XKR6: variants seen among roughly 807,000 people sequenced by gnomAD.
The protein encoded by XKR6 is XK-related protein 6.
In XKR6, 22 loss-of-function variants were observed where a neutral mutation model predicts 56.7. The ratio of observed to expected loss-of-function variants is 0.39; its 90% CI spans 0.28 to 0.55. The LOEUF (loss-of-function observed/expected upper bound fraction) is 0.55, where lower values mean the gene tolerates loss of function less well. XKR6 is among the 20% of genes least tolerant of loss of function. The probability of loss-of-function intolerance (pLI) is 0.66; values close to 1 mark genes in which losing one functional copy is unlikely to be tolerated. For synonymous variants in XKR6, 524 were observed against 387.8 expected, an observed-to-expected ratio of 1.35 and a Z score of -4.13; for missense variants, 852 against 889.0, an observed-to-expected ratio of 0.96 and a Z score of 0.53.
intron 1 of XKR6, among the ~76,000 whole-genome samples, chr8:11,121,853 C>T (rs1799473228): frequency 1.3e-5 from 2 of 152,120 alleles, no homozygotes; most frequent in Non-Finnish European, 2.9e-5. Context: ...TACTATGCAG[C>T]CATAAAAAAT....
At chr8:11,114,605 C>A (rs1586563180) in intron 1 of XKR6, among the ~76,000 whole-genome samples, 1 of 152,242 alleles carries the variant, frequency 6.6e-6, no homozygotes, top group African/African-American at 2.4e-5. Flanking sequence ...AGATGATCCA[C>A]CCGCCTTGGC....
chr8:11,150,852 CAAAAAAAAAAAAA>C (rs546547767), intron 1 of XKR6, among the ~76,000 whole-genome samples: 9 of 90,290 alleles, frequency 1.0e-4, no homozygotes, highest in Non-Finnish European at 6.1e-5. Context: ...GACTCCATCT[CAAAAAAAAAAAAA>C]AAAAAAAAAA....
At chr8:11,144,589 C>A (rs1800883462) in intron 1 of XKR6, among the ~76,000 whole-genome samples, 1 of 151,962 alleles carries the variant, frequency 6.6e-6, no homozygotes, top group Non-Finnish European at 1.5e-5. Context: ...CAGACGCTTT[C>A]CTGCAGCAGT....
intron 1 of XKR6, among the ~76,000 whole-genome samples, chr8:10,995,258 T>C (rs940901634): frequency 1.3e-5 from 2 of 151,890 alleles, no homozygotes; most frequent in Non-Finnish European, 2.9e-5. Flanking sequence ...CTCACACCTA[T>C]AATCCCAGTG....
At chr8:11,139,863 A>G (rs1437500818) in intron 1 of XKR6, among the ~76,000 whole-genome samples, 2 of 152,228 alleles carry the variant, frequency 1.3e-5, no homozygotes, top group Non-Finnish European at 2.9e-5. Context: ...GAAAGATTTA[A>G]GCAGCAAAAT....
At chr8:11,180,724 T>C (rs573373143) in intron 1 of XKR6, among the ~76,000 whole-genome samples, 4 of 151,876 alleles carry the variant, frequency 2.6e-5, no homozygotes, top group Non-Finnish European at 4.4e-5. Flanking sequence ...GGGCAACACA[T>C]TGAGACCCCA....
intron 1 of XKR6, among the ~76,000 whole-genome samples, chr8:10,938,854 T>G (rs141588038): frequency 6.6e-6 from 1 of 152,348 alleles, no homozygotes; most frequent in Non-Finnish European, 1.5e-5. Flanking sequence ...ATGTAAATGT[T>G]AATTTACAAA....
At chr8:11,084,721 A>C (rs772338728) in intron 1 of XKR6, among the ~76,000 whole-genome samples, 4 of 152,346 alleles carry the variant, frequency 2.6e-5, no homozygotes, top group Non-Finnish European at 5.9e-5. Flanking sequence ...TCTAGAAAGA[A>C]GCACTTGCCA....
rs549267712 is a variant in XKR6, at chr8:10,898,240, G to T, written c.1638C>A (p.Ala546=). The T allele has an allele frequency of 6.2e-7, 1 of 1,614,114 alleles. No homozygotes were observed. Among genetic ancestry groups the T allele is most frequent in the Non-Finnish European group, 8.5e-7 (1 of 1,180,020 alleles). Residue 546 remains alanine, a synonymous_variant, in exon 3 of 3, where the codon GCC becomes GCA. Transcript: ENST00000416569. This position sits in a 1 kb window ranked among gnomAD's most constrained non-coding sequence, Gnocchi z 6.6. The part of the protein sequence containing the change: ...YRGTQVTPTR[A]VTEQQEDLTA... ...TGAGATCCTCCTGTTGTTCCGTTAC[G>T]GCTCTGGTGGGCGTAACCTGGGTCC... is the stretch of plus-strand genomic sequence containing the variant.
chr8:11,050,421 C>T (rs1254367938), intron 1 of XKR6, among the ~76,000 whole-genome samples: 1 of 152,012 alleles, frequency 6.6e-6, no homozygotes, highest in Non-Finnish European at 1.5e-5. Flanking sequence ...GAGATCCCTT[C>T]CAGCTCCGAC....
chr8:11,127,637 T>C (rs1799877927), intron 1 of XKR6, among the ~76,000 whole-genome samples: 1 of 152,164 alleles, frequency 6.6e-6, no homozygotes, highest in African/African-American at 2.4e-5. Flanking sequence ...CTGACCACCC[T>C]ACCTCTCTCT....
intron 1 of XKR6, among the ~76,000 whole-genome samples, chr8:11,057,735 A>G (rs1799722478): frequency 1.3e-5 from 2 of 152,144 alleles, no homozygotes; most frequent in Non-Finnish European, 2.9e-5. Flanking sequence ...CCCACCTGTC[A>G]AACCTCACCT....
At chr8:11,101,930 G>C (rs1341212377) in intron 1 of XKR6, among the ~76,000 whole-genome samples, 1 of 152,156 alleles carries the variant, frequency 6.6e-6, no homozygotes, top group African/African-American at 2.4e-5. Flanking sequence ...TTGCAGTCTA[G>C]TTTGTTACAA....
At chr8:11,186,040 C>T (rs1229423599) in intron 1 of XKR6, among the ~76,000 whole-genome samples, 4 of 152,202 alleles carry the variant, frequency 2.6e-5, no homozygotes, top group African/African-American at 9.7e-5. Context: ...TGTGGCTACA[C>T]ATCTTAAAAT....
At chr8:10,928,535 G>A (rs1353113227) in intron 1 of XKR6, among the ~76,000 whole-genome samples, 3 of 152,232 alleles carry the variant, frequency 2.0e-5, no homozygotes, top group African/African-American at 4.8e-5. Context: ...GGTGACCTCT[G>A]AGGCTGCGCT....
chr8:10,962,615 T>C (rs892026557), intron 1 of XKR6, among the ~76,000 whole-genome samples: 1 of 152,166 alleles, frequency 6.6e-6, no homozygotes, highest in African/African-American at 2.4e-5. Flanking sequence ...CTGGTTCATC[T>C]GGTTTTTGTT....
chr8:10,908,250 C>G (rs1163081672), intron 2 of XKR6, among the ~76,000 whole-genome samples: 1 of 152,150 alleles, frequency 6.6e-6, no homozygotes, highest in African/African-American at 2.4e-5. Flanking sequence ...CGAAAATGCT[C>G]AAGGCCACTG....
At chr8:11,121,157 CA>C (rs1318824375) in intron 1 of XKR6, among the ~76,000 whole-genome samples, 5 of 152,150 alleles carry the variant, frequency 3.3e-5, no homozygotes, top group Non-Finnish European at 4.4e-5. Context: ...ACACCAAAAG[CA>C]ATGGCAACAA....
chr8:11,076,651 G>C (rs896165484), intron 1 of XKR6, among the ~76,000 whole-genome samples: 1 of 152,200 alleles, frequency 6.6e-6, no homozygotes, highest in African/African-American at 2.4e-5. Context: ...CCCCAGCACA[G>C]GGCAGGCCCC....
Sources: allele counts gnomAD v4.1 joint callset (sites outside exome capture counted in the v4.1 genomes callset), GRCh38; gene constraint gnomAD v4.1.1; non-coding constraint Gnocchi (gnomAD v3.1); transcripts MANE v1.5; gene names NCBI Gene and HGNC (gene_info 2026-07-23, HGNC 2026-07-21).